SS18L1: variants seen among roughly 807,000 people sequenced by gnomAD.
SS18L1 encodes the protein calcium-responsive transactivator.
Under a neutral mutation model 70.3 loss-of-function variants are expected in SS18L1, and 32 were observed. The observed-to-expected ratio is 0.46, with a 90% CI of 0.34 to 0.61. The LOEUF is 0.61. SS18L1 is among the 20% of genes least tolerant of loss of function. The pLI, the probability that SS18L1 is intolerant of heterozygous loss-of-function variation, is 0.01. For synonymous variants in SS18L1, 237 were observed against 229.7 expected (o/e 1.03, Z -0.29); for missense variants, 430 against 542.1 (o/e 0.79, Z 2.05).
In SS18L1 at chr20:62,174,728, A is replaced by G; in HGVS notation, c.1164+84A>G. The G allele has an allele frequency of 2.5e-6, 4 of 1,610,846 alleles. No homozygotes were observed. Among genetic ancestry groups the G allele is most frequent in the Non-Finnish European group, 3.4e-6 (4 of 1,179,162 alleles). On this transcript the variant is annotated intron_variant, in intron 10 of 10. Coordinates refer to ENST00000331758, the MANE Select transcript of SS18L1 (RefSeq NM_198935.3). The surrounding 1 kb of genome is among the most constrained non-coding windows in gnomAD (Gnocchi z 4.1). ...AAGATTTCTCTTATGGCCATGAGGA[A>G]TAATGAGCTGGAACTAACTGGCTTC... is the stretch of plus-strand genomic sequence containing the variant.
chr20:62,178,491 T>G (rs547026373), intron 10 of SS18L1, among the ~76,000 whole-genome samples: 1 of 152,214 alleles, frequency 6.6e-6, no homozygotes, highest in East Asian at 1.9e-4. Context: ...AGATGGGGTC[T>G]TGCTGTACTG....
chr20:62,165,523 C>G lies in SS18L1; in HGVS notation c.916+9C>G. Reference sequence around the variant, plus strand: ...GCACTACTATGAGGGGGGTAAGGAGCACGGCTGCGTGCTGGGCTCGAGCGT... The same window carrying G: ...GCACTACTATGAGGGGGGTAAGGAGGACGGCTGCGTGCTGGGCTCGAGCGT... On this transcript the variant is annotated intron_variant, in intron 8 of 10. Coordinates refer to ENST00000331758, the MANE Select transcript of SS18L1 (RefSeq NM_198935.3). The G allele has an allele frequency of 6.2e-7, 1 of 1,604,388 alleles. No individual in the cohort carries two copies. Among genetic ancestry groups the G allele is most frequent in the East Asian group, 2.2e-5 (1 of 44,462 alleles).
chr20:62,154,002 G>T (rs950836227), intron 1 of SS18L1, among the ~76,000 whole-genome samples: 1 of 152,186 alleles, frequency 6.6e-6, no homozygotes, highest in Non-Finnish European at 1.5e-5. Flanking sequence ...TGTTATTCTT[G>T]CCCTGACAAT....
At chr20:62,173,102 TTAAACA>T (rs2057562056) in intron 9 of SS18L1, among the ~76,000 whole-genome samples, 1 of 152,252 alleles carries the variant, frequency 6.6e-6, no homozygotes, top group African/African-American at 2.4e-5. Flanking sequence ...TTATTTTAAC[TTAAACA>T]TAAATTCATT....
At position 62,158,620 on chromosome 20, in the gene SS18L1, A is replaced by G. The variant is rs2057265853; in HGVS notation, c.70-52A>G. On this transcript the variant is annotated intron_variant, in intron 1 of 10. Transcript: ENST00000331758. The surrounding 1 kb of genome is among the most constrained non-coding windows in gnomAD (Gnocchi z 4.5). ...TGTGTAGCGATGGCTGTTCATCCCG[A>G]GGGTCAGCGACAGCCCCGCGTCGGC... 2 of 1,598,542 alleles carry G rather than the reference A, an allele frequency of 1.3e-6. No individual in the cohort carries two copies. The highest frequency in any genetic ancestry group is 1.7e-6 in the Non-Finnish European group (2 of 1,174,892).
chr20:62,164,968 G>A (rs1406510446), intron 7 of SS18L1, among the ~76,000 whole-genome samples: 2 of 152,242 alleles, frequency 1.3e-5, no homozygotes, highest in Non-Finnish European at 2.9e-5. Flanking sequence ...ATCCAGGCAG[G>A]GAGCTGGCCT....
At position 62,175,437 on chromosome 20, in the gene SS18L1, G is replaced by A. The variant is rs1030883935; in HGVS notation, c.1164+793G>A. Reference sequence around the variant, plus strand: ...GAGCGAGGGCCTCCTAGAGGAGAATGAGCCAGGCAAGGGAAGAGGGCGTGC... The same window carrying A: ...GAGCGAGGGCCTCCTAGAGGAGAATAAGCCAGGCAAGGGAAGAGGGCGTGC... On this transcript the variant is annotated intron_variant, in intron 10 of 10. Coordinates refer to ENST00000331758, the MANE Select transcript of SS18L1 (RefSeq NM_198935.3). 3.9e-5 allele frequency: 38 copies of A among 985,408 alleles called. 1 individual carries two copies. The highest frequency in any genetic ancestry group is 4.6e-5 in the Non-Finnish European group (38 of 829,912). 61.0% of individuals were successfully genotyped at this position (985,408 alleles called of 1,614,324 possible). A position where few individuals can be genotyped will look rare whatever the true frequency, so the allele number is the denominator to read the frequency against.
rs1354102353 is a variant in SS18L1 at position 62,161,753 on chromosome 20, A to C, written c.376+173A>C. ...ATCGCCCAGGCTCAGGGCCGCAGCG[A>C]GCGTGCCGTGCGGCTGGGCTGAGCC... On this transcript the variant is annotated intron_variant, in intron 4 of 10. Transcript: ENST00000331758. This position sits in a 1 kb window ranked among gnomAD's most constrained non-coding sequence, Gnocchi z 4.4. Among the ~76,000 whole-genome samples, 3 of 152,192 alleles carry C rather than the reference A, an allele frequency of 2.0e-5. No individual in the cohort carries two copies. Among genetic ancestry groups the C allele is most frequent in the African/African-American group, 7.2e-5 (3 of 41,450 alleles).
Position 62,159,066 on chromosome 20 carries a change from C to A in SS18L1, c.146+318C>A. On this transcript the variant is annotated intron_variant, in intron 2 of 10. Transcript: ENST00000331758. The surrounding 1 kb of genome is among the most constrained non-coding windows in gnomAD (Gnocchi z 4.4). ...GGAGGCCAGATATGTCCCGAGAGTC[C>A]CTGGCACAGCTGCGAAGCATTGCTG... The A allele has an allele frequency of 6.9e-7, 1 of 1,455,146 alleles. No individual in the cohort carries two copies. Among genetic ancestry groups the A allele is most frequent in the Non-Finnish European group, 9.2e-7 (1 of 1,088,058 alleles). 90.1% of individuals were successfully genotyped at this position (1,455,146 alleles called of 1,614,324 possible). A position where few individuals can be genotyped will look rare whatever the true frequency, so the allele number is the denominator to read the frequency against.
At chr20:62,149,656 C>T (rs1298136077) in intron 1 of SS18L1, among the ~76,000 whole-genome samples, 2 of 152,222 alleles carry the variant, frequency 1.3e-5, no homozygotes, top group Admixed American at 6.5e-5. Flanking sequence ...GAGGACAGGG[C>T]TGTGGCCTCC....
intron 5 of SS18L1, 23 bp from the exon 6 acceptor site, chr20:62,163,434 TG>T (rs1568752130): frequency 6.2e-7 from 1 of 1,611,290 alleles, no homozygotes; most frequent in East Asian, 2.2e-5. Flanking sequence ...CGGGGTGATG[TG>T]GGGCCTCTGT....
intron 5 of SS18L1, 117 bp downstream of exon 5, chr20:62,163,048 G>C: frequency 3.6e-6 from 5 of 1,371,774 alleles, no homozygotes; most frequent in Non-Finnish European, 5.0e-6. Flanking sequence ...TGCTGGAGGG[G>C]AGGGGCCCGT....
intron 9 of SS18L1, among the ~76,000 whole-genome samples, chr20:62,173,877 G>A (rs1363504188): frequency 6.6e-6 from 1 of 151,988 alleles, no homozygotes; most frequent in African/African-American, 2.4e-5. Flanking sequence ...AGCCAGGCAT[G>A]GTGGCACACT....
In SS18L1 at chr20:62,161,899, G is replaced by A. The variant is rs1478867915; in HGVS notation, c.376+319G>A. On this transcript the variant is annotated intron_variant, in intron 4 of 10. Coordinates refer to ENST00000331758, the MANE Select transcript of SS18L1 (RefSeq NM_198935.3). The surrounding 1 kb of genome is among the most constrained non-coding windows in gnomAD (Gnocchi z 4.4). ...AATGCTCCTGTCTTTGGATTGAGAA[G>A]CATGGATAACGTTTGGAGACCATTA... Among the ~76,000 whole-genome samples the A allele has an allele frequency of 1.3e-5, 2 of 152,252 alleles. No individual in the cohort carries two copies. The highest frequency in any genetic ancestry group is 1.9e-4 in the East Asian group (1 of 5,202).
rs2057671370 is a variant in SS18L1, at chr20:62,179,166, T to G, written c.1165-16T>G. On this transcript the variant is annotated splice_polypyrimidine_tract_variant and intron_variant, in intron 10 of 10. Transcript: ENST00000331758. ...CATTACTATAGGGGTGTAATCTGTG[T>G]CTTGATCTCTTTTAGGGCCAGTATG... The G allele has an allele frequency of 6.2e-7, 1 of 1,614,008 alleles. No homozygotes were observed. Among genetic ancestry groups the G allele is most frequent in the Non-Finnish European group, 8.5e-7 (1 of 1,179,976 alleles).
Position 62,158,344 on chromosome 20 carries a change from C to T in SS18L1, c.70-328C>T, listed in dbSNP as rs532810998. Among the ~76,000 whole-genome samples the T allele has an allele frequency of 1.3e-5, 2 of 151,638 alleles. No homozygotes were observed. Among genetic ancestry groups the T allele is most frequent in the South Asian group, 2.1e-4 (1 of 4,786 alleles). On this transcript the variant is annotated intron_variant, in intron 1 of 10. Coordinates refer to ENST00000331758, the MANE Select transcript of SS18L1 (RefSeq NM_198935.3). This position sits in a 1 kb window ranked among gnomAD's most constrained non-coding sequence, Gnocchi z 4.5. ...GGTCTGTGGTGGCTGAGGCAATGCACGTAACGACAGTTTCGTATACAGAAC... is the reference window on the plus strand; with the variant it reads ...GGTCTGTGGTGGCTGAGGCAATGCATGTAACGACAGTTTCGTATACAGAAC...
rs1353293082 is a variant in SS18L1, at chr20:62,162,793, C to T, written c.418C>T (p.Leu140=). The stretch of plus-strand genomic sequence containing the variant: ...CATGCAGCAGACGGCGCCTAACACG[C>T]TGCCCACCACCTCCATGAGCATCTC... ...VSMQQTAPNT[L]PTTSMSISGP... is the part of the protein sequence containing the mutation. Residue 140 remains leucine (L), a synonymous_variant, in exon 5 of 11, where the codon CTG becomes TTG. Transcript: ENST00000331758. The T allele has an allele frequency of 1.2e-6, 2 of 1,612,658 alleles. No homozygotes were observed. The highest frequency in any genetic ancestry group is 3.3e-5 in the Admixed American group (2 of 59,996).
intron 8 of SS18L1, among the ~76,000 whole-genome samples, chr20:62,170,470 CA>C (rs1267806785): frequency 3.3e-5 from 5 of 152,224 alleles, no homozygotes; most frequent in African/African-American, 7.2e-5. Flanking sequence ...TGTGCCACTG[CA>C]CTCCAGCCTG....
rs1412328556 is a variant in SS18L1, at chr20:62,158,788, A to G, written c.146+40A>G. 2 of 1,612,752 alleles carry G rather than the reference A, an allele frequency of 1.2e-6. No homozygotes were observed. Among genetic ancestry groups the G allele is most frequent in the Non-Finnish European group, 1.7e-6 (2 of 1,179,944 alleles). On this transcript the variant is annotated intron_variant, in intron 2 of 10. Transcript: ENST00000331758. The surrounding 1 kb of genome is among the most constrained non-coding windows in gnomAD (Gnocchi z 4.5). ...TACACCGGAACACTTGGAGGGTGTCATGCAGAGTCTAAGCACAGAGGCCAG... is the reference window on the plus strand; with the variant it reads ...TACACCGGAACACTTGGAGGGTGTCGTGCAGAGTCTAAGCACAGAGGCCAG...
Sources: gnomAD v4.1 joint callset for allele counts (sites outside exome capture counted in the v4.1 genomes callset) on GRCh38, gnomAD v4.1.1 for gene constraint, Gnocchi (gnomAD v3.1) non-coding constraint, MANE v1.5 for transcripts, NCBI Gene and HGNC (gene_info 2026-07-23, HGNC 2026-07-21) for gene names.